ZNF362: variants seen among roughly 807,000 people sequenced by gnomAD.
ZNF362 encodes zinc finger protein 362, also known as rotund homolog.
ZNF362 carries 11 observed loss-of-function variants against 42.9 expected under a neutral mutation model. That is an observed-to-expected ratio of 0.26 (90% CI 0.16 to 0.42). The LOEUF is 0.42. Ranked by LOEUF, ZNF362 falls within the 20% of genes least tolerant of loss-of-function variation. The pLI is 1.00. For synonymous variants in ZNF362, 255 were observed against 257.3 expected (o/e 0.99, Z 0.09); for missense variants, 362 against 576.2 (o/e 0.63, Z 3.81).
the ZNF362 span, among the ~76,000 whole-genome samples, chr1:33,144,133 T>TTA: frequency 1.3e-3 from 31 of 24,754 alleles, no homozygotes; most frequent in African/African-American, 2.5e-3. Context: ...TTAATGTTAC[T>TTA]TCTTTTTTTT....
At chr1:33,236,550 A>AAT in the ZNF362 span, among the ~76,000 whole-genome samples, 24 of 5,974 alleles carry the variant, frequency 4.0e-3, 3 homozygotes, top group African/African-American at 7.8e-3. Flanking sequence ...AAAAAAAAAA[A>AAT]ATATATATAT....
the ZNF362 span, among the ~76,000 whole-genome samples, chr1:33,244,271 T>C: frequency 6.6e-6 from 1 of 152,234 alleles, no homozygotes; most frequent in Admixed American, 6.5e-5. This position sits in a 1 kb window ranked among gnomAD's most constrained non-coding sequence, Gnocchi z 4.0. Flanking sequence ...CCCAACTCTT[T>C]AGTCTTCTGT....
At chr1:33,184,943 G>A in the ZNF362 span, among the ~76,000 whole-genome samples, 1 of 151,994 alleles carries the variant, frequency 6.6e-6, no homozygotes, top group Non-Finnish European at 1.5e-5. Flanking sequence ...ACCATGCCTG[G>A]CTAATTTTTG....
the ZNF362 span, chr1:33,195,059 C>T: frequency 6.6e-6 from 1 of 152,156 alleles, no homozygotes; most frequent in African/African-American, 2.4e-5. Context: ...GAAAAGCCAT[C>T]AGAAATGAAA....
At chr1:33,283,411 A>G (rs573581312) in intron 6 of ZNF362, among the ~76,000 whole-genome samples, 1 of 152,330 alleles carries the variant, frequency 6.6e-6, no homozygotes, top group South Asian at 2.1e-4. Flanking sequence ...TATGATAGTA[A>G]GAATCAAATG....
At chr1:33,170,919 G>GC in the ZNF362 span, among the ~76,000 whole-genome samples, 1 of 152,190 alleles carries the variant, frequency 6.6e-6, no homozygotes, top group Non-Finnish European at 1.5e-5. Flanking sequence ...ACAGAGCCTG[G>GC]CACACCCTGG....
chr1:33,256,143 G>C (rs1645787210), upstream of ZNF362, among the ~76,000 whole-genome samples: 3 of 149,800 alleles, frequency 2.0e-5, no homozygotes, highest in Admixed American at 1.3e-4. Context: ...CGGCGCGGGC[G>C]GGGGGCGCAG....
chr1:33,238,381 TAAATA>T, the ZNF362 span, among the ~76,000 whole-genome samples: 2 of 105,530 alleles, frequency 1.9e-5, no homozygotes, highest in Admixed American at 9.1e-5. Context: ...TAAAATAAAA[TAAATA>T]AAATAAAATA....
the ZNF362 span, among the ~76,000 whole-genome samples, chr1:33,168,149 C>G: frequency 6.6e-6 from 1 of 152,134 alleles, no homozygotes; most frequent in African/African-American, 2.4e-5. Flanking sequence ...GAGGAGCCAG[C>G]CATGAAAATG....
chr1:33,134,372 T>A, the ZNF362 span, among the ~76,000 whole-genome samples: 1,113 of 152,244 alleles, frequency 7.3e-3, 9 homozygotes, highest in Admixed American at 0.012. Flanking sequence ...AAGAATTAAG[T>A]GCAGGTGGAC....
the ZNF362 span, among the ~76,000 whole-genome samples, chr1:33,186,584 T>A: frequency 2.0e-5 from 3 of 150,076 alleles, no homozygotes; most frequent in African/African-American, 7.4e-5. Flanking sequence ...GGCAGGAGGA[T>A]CACCTGAGGT....
chr1:33,224,312 T>C, the ZNF362 span, among the ~76,000 whole-genome samples: 1 of 152,118 alleles, frequency 6.6e-6, no homozygotes, highest in East Asian at 1.9e-4. Context: ...AAAAACTCAA[T>C]AGATGGGTTT....
intron 6 of ZNF362, among the ~76,000 whole-genome samples, chr1:33,284,018 G>A (rs959468564): frequency 7.9e-5 from 12 of 152,266 alleles, no homozygotes; most frequent in African/African-American, 2.7e-4. Context: ...TTGTGTATGT[G>A]TGTATGTATG....
chr1:33,155,814 TG>T, the ZNF362 span, among the ~76,000 whole-genome samples: 33 of 152,294 alleles, frequency 2.2e-4, no homozygotes, highest in Admixed American at 9.2e-4. Context: ...AATCTGCCCT[TG>T]GGGGGGATCT....
intron 1 of ZNF362, among the ~76,000 whole-genome samples, chr1:33,262,411 TC>T (rs2148065458): frequency 0.014 from 1 of 72 alleles, no homozygotes; most frequent in Admixed American, 0.12. Flanking sequence ...TTCACACCAT[TC>T]TCTCCTGCCT....
the ZNF362 span, among the ~76,000 whole-genome samples, chr1:33,247,805 G>A: frequency 2.6e-5 from 4 of 152,318 alleles, no homozygotes; most frequent in East Asian, 1.9e-4. Context: ...CATCGGCCTC[G>A]CTTTCTGAAG....
chr1:33,281,761 C>T lies in ZNF362; in HGVS notation c.858C>T (p.Ser286=). The T allele has an allele frequency of 1.2e-6, 2 of 1,614,266 alleles. No homozygotes were observed. The highest frequency in any genetic ancestry group is 1.7e-6 in the Non-Finnish European group (2 of 1,180,042). ...IHLGVKPYHC[S]YCDKSFRQLS... The stretch of plus-strand genomic sequence containing the variant: ...TGGGCGTCAAGCCCTACCACTGCTC[C>T]TACTGTGATAAGTCCTTCCGGCAGC... The change falls in exon 6 of 9, where the codon TCC becomes TCT. Residue 286 remains serine, a synonymous_variant. Transcript: ENST00000539719. The surrounding 1 kb of genome is among the most constrained non-coding windows in gnomAD (Gnocchi z 4.8).
the ZNF362 span, among the ~76,000 whole-genome samples, chr1:33,129,209 T>G: frequency 3.9e-5 from 6 of 152,294 alleles, no homozygotes; most frequent in Non-Finnish European, 7.3e-5. This position sits in a 1 kb window ranked among gnomAD's most constrained non-coding sequence, Gnocchi z 4.1. Flanking sequence ...AAGACACTTC[T>G]TATCAACTAA....
At chr1:33,233,628 T>C in the ZNF362 span, among the ~76,000 whole-genome samples, 1 of 152,284 alleles carries the variant, frequency 6.6e-6, no homozygotes, top group East Asian at 1.9e-4. Flanking sequence ...GGTCTTGAAC[T>C]CCTGACCTGA....
Sources: allele counts gnomAD v4.1 joint callset (sites outside exome capture counted in the v4.1 genomes callset), GRCh38; gene constraint gnomAD v4.1.1; non-coding constraint Gnocchi (gnomAD v3.1); transcripts MANE v1.5; gene names NCBI Gene and HGNC (gene_info 2026-07-23, HGNC 2026-07-21).